Variants in MTO1 observed in about 807,000 individuals in gnomAD.
MTO1 encodes mitochondrial tRNA translation optimization 1, also known as 5-taurinomethyluridine-[tRNA] synthase subunit MTO1, mitochondrial.
A neutral mutation model predicts 71.6 loss-of-function variants in MTO1; 46 were observed. The observed-to-expected ratio is 0.64, with a 90% CI of 0.51 to 0.82. The LOEUF (loss-of-function observed/expected upper bound fraction) is 0.82, where lower values mean the gene tolerates loss of function less well. Ranked by LOEUF, MTO1 falls within the 40% of genes least tolerant of loss-of-function variation. The pLI, the probability that MTO1 is intolerant of heterozygous loss-of-function variation, is 0.00. For synonymous variants in MTO1, 297 were observed against 312.1 expected (o/e 0.95, Z 0.51); for missense variants, 773 against 867.5 (o/e 0.89, Z 1.37).
intron 3 of MTO1, among the ~76,000 whole-genome samples, chr6:73,468,071 G>A (rs896429557): frequency 4.6e-5 from 7 of 151,792 alleles, no homozygotes; most frequent in Admixed American, 1.3e-4. Flanking sequence ...CACCCGCCTC[G>A]CCCTCCCAGA....
chr6:73,490,716 C>A (rs2150041552), intron 9 of MTO1, among the ~76,000 whole-genome samples: 1 of 143,782 alleles, frequency 7.0e-6, no homozygotes, highest in African/African-American at 2.6e-5. Context: ...ATGAAATTTT[C>A]TATTTCTAAA....
Position 73,482,221 on chromosome 6 carries a change from C to A in MTO1, c.1442C>A (p.Ala481Asp). ...EFRLSLRPDNADSRLTLRGYK... is the reference protein window; with the variant it reads ...EFRLSLRPDNDDSRLTLRGYK... The stretch of plus-strand genomic sequence containing the variant: ...CGTTTGTCACTGCGCCCTGATAATG[C>A]TGACAGCCGGCTCACACTGCGAGGT... Residue 481 changes from alanine to aspartate, a missense_variant, in exon 8 of 12, where the codon GCT becomes GAT. By Grantham distance (126) the Ala-to-Asp change is moderately radical (BLOSUM62 -2). Transcript: ENST00000498286. The A allele has an allele frequency of 6.2e-7, 1 of 1,614,130 alleles. No individual in the cohort carries two copies. The highest frequency in any genetic ancestry group is 8.5e-7 in the Non-Finnish European group (1 of 1,180,022).
rs1772213899 is a variant in MTO1 at position 73,503,442 on chromosome 6, A to G, written c.*2707A>G. 1 of 152,254 alleles carries G rather than the reference A, an allele frequency of 6.6e-6. No homozygotes were observed. The highest frequency in any genetic ancestry group is 2.4e-5 in the African/African-American group (1 of 41,472). The allele number at this position is 152,254 out of a possible 1,614,324, so 9.4% of individuals were successfully genotyped here. A position where few individuals can be genotyped will look rare whatever the true frequency, so the allele number is the denominator to read the frequency against. On this transcript the variant is annotated 3_prime_UTR_variant, in exon 12 of 12. Coordinates refer to ENST00000498286, the MANE Select transcript of MTO1 (RefSeq NM_012123.4). ...ACCTCTTTAAATCCACAATGTTTGT[A>G]TGTTAACTTAAACAAAATTACATCA...
rs181443440 is a variant in MTO1 at position 73,477,799 on chromosome 6, G to A, written c.826-1933G>A. 1.2e-3 allele frequency among the ~76,000 whole-genome samples: 183 copies of A among 152,074 alleles called. 1 individual carries two copies. The highest frequency in any genetic ancestry group is 4.3e-3 in the African/African-American group (177 of 41,504). On this transcript the variant is annotated intron_variant, in intron 4 of 11. Coordinates refer to ENST00000498286, the MANE Select transcript of MTO1 (RefSeq NM_012123.4). The stretch of plus-strand genomic sequence containing the variant: ...TGGGATTACAAGTATGAGCCACCAA[G>A]CCTAGCCCAAAACAACCTTTTTATT...
chr6:73,466,110 T>G, intron 1 of MTO1, 99 bp from the exon 2 acceptor site: 13 of 1,066,342 alleles, frequency 1.2e-5, no homozygotes, highest in Non-Finnish European at 1.8e-5. Context: ...TTTTATCATA[T>G]GAGATGATTA....
chr6:73,463,597 T>A (rs1315064010), intron 1 of MTO1, among the ~76,000 whole-genome samples: 2 of 152,186 alleles, frequency 1.3e-5, no homozygotes, highest in African/African-American at 4.8e-5. Context: ...TTCCTGAAAT[T>A]CTTCTTTAAA....
In MTO1 at chr6:73,462,325, C is replaced by A. The variant is rs887003490; in HGVS notation, c.217+254C>A. ...GTTGTAGGAGGTTGGGGTTCGGGGTCAGTGCCTTGGGAAAGGGAGCTACCA... is the reference window on the plus strand; with the variant it reads ...GTTGTAGGAGGTTGGGGTTCGGGGTAAGTGCCTTGGGAAAGGGAGCTACCA... On this transcript the variant is annotated intron_variant, in intron 1 of 11. Transcript: ENST00000498286. The A allele has an allele frequency of 1.6e-5, 9 of 548,996 alleles. No individual in the cohort carries two copies. In the African/African-American group the frequency reaches 1.7e-4, roughly 11 times the overall value. The allele number at this position is 548,996 out of a possible 1,614,324, so 34.0% of individuals were successfully genotyped here.
At chr6:73,468,028 C>T (rs984571298) in intron 3 of MTO1, among the ~76,000 whole-genome samples, 1 of 151,586 alleles carries the variant, frequency 6.6e-6, no homozygotes, top group African/African-American at 2.4e-5. Flanking sequence ...ACCACGTTGG[C>T]CAGGATGGTC....
At position 73,473,449 on chromosome 6, in the gene MTO1, C is replaced by T. The variant is rs139334277; in HGVS notation, c.620C>T (p.Thr207Met). The T allele has an allele frequency of 3.7e-3, 6,006 of 1,614,054 alleles. 22 individuals are homozygous for T. The highest frequency in any genetic ancestry group is 4.2e-3 in the Non-Finnish European group (4,945 of 1,180,004). Residue 207 changes from threonine to methionine, a missense_variant, in exon 4 of 12, where the codon ACG becomes ATG. By Grantham distance (81) the Thr-to-Met change is moderately conservative. Coordinates refer to ENST00000498286, the MANE Select transcript of MTO1 (RefSeq NM_012123.4). ...GGCATGATTGTAATTGGATTGGAGA[C>T]GCATCCAGCAGGACGTTTAGGGGAT... The part of the protein sequence containing the change: ...LRGMIVIGLE[T>M]HPAGRLGDQP...
intron 7 of MTO1, among the ~76,000 whole-genome samples, chr6:73,481,457 C>T (rs926024882): frequency 5.3e-4 from 15 of 28,510 alleles, no homozygotes; most frequent in Non-Finnish European, 9.0e-4. Flanking sequence ...AGAAGTTTCA[C>T]AGGTGGGTTT....
At chr6:73,483,366 G>T (rs1056074707) in intron 9 of MTO1, among the ~76,000 whole-genome samples, 3 of 151,832 alleles carry the variant, frequency 2.0e-5, no homozygotes, top group Non-Finnish European at 2.9e-5. Flanking sequence ...CCAAGATCAC[G>T]CCTCTGCACT....
intron 1 of MTO1, chr6:73,462,447 G>T (rs1770853141): frequency 4.8e-6 from 1 of 209,288 alleles, no homozygotes; most frequent in Non-Finnish European, 9.7e-6. Context: ...AATGGTTTAT[G>T]GCCAGGTGCA....
At chr6:73,480,446 T>G in intron 6 of MTO1, 2 of 590,832 alleles carry the variant, frequency 3.4e-6, no homozygotes, top group Non-Finnish European at 6.1e-6. Flanking sequence ...AATTTTGTAT[T>G]TTTAGTAGAG....
chr6:73,491,061 C>A (rs1232918056), intron 9 of MTO1, among the ~76,000 whole-genome samples: 1 of 152,186 alleles, frequency 6.6e-6, no homozygotes, highest in Non-Finnish European at 1.5e-5. Context: ...TAGGCATGTT[C>A]TTTTGTTGGC....
chr6:73,464,696 G>C (rs1246780835), intron 1 of MTO1, among the ~76,000 whole-genome samples: 1 of 151,362 alleles, frequency 6.6e-6, no homozygotes, highest in Non-Finnish European at 1.5e-5. Flanking sequence ...TTAGCCAGGC[G>C]TGGTGGCGTA....
Position 73,505,772 on chromosome 6 carries a change from C to G in MTO1, c.*5037C>G. ...TTTCACAGGTTGGCCAAGCTAGTCTCGAACTCCTGACCTCATGATCCGCCC... is the reference window on the plus strand; with the variant it reads ...TTTCACAGGTTGGCCAAGCTAGTCTGGAACTCCTGACCTCATGATCCGCCC... On this transcript the variant is annotated 3_prime_UTR_variant, in exon 12 of 12. Transcript: ENST00000498286. 1 of 152,196 alleles carries G rather than the reference C, an allele frequency of 6.6e-6. No individual in the cohort carries two copies. Among genetic ancestry groups the G allele is most frequent in the Middle Eastern group, 3.4e-3 (1 of 294 alleles). The allele number at this position is 152,196 out of a possible 1,614,324, so 9.4% of individuals were successfully genotyped here.
chr6:73,480,083 C>T lies in MTO1; in HGVS notation c.1086C>T (p.Ile362=). 1 of 1,614,034 alleles carries T rather than the reference C, an allele frequency of 6.2e-7. No homozygotes were observed. Among genetic ancestry groups the T allele is most frequent in the South Asian group, 1.1e-5 (1 of 91,052 alleles). ...TLPAELQEKM[I]TCIRGLEKAK... Reference sequence around the variant, plus strand: ...CAGCTGAGTTACAAGAGAAAATGATCACATGCATCAGAGGCTTGGAGAAAG... The same window carrying T: ...CAGCTGAGTTACAAGAGAAAATGATTACATGCATCAGAGGCTTGGAGAAAG... The change falls in exon 6 of 12, where the codon ATC becomes ATT. Residue 362 remains isoleucine (I), a synonymous_variant. Transcript: ENST00000498286.
chr6:73,494,992 A>G (rs1161327508), intron 10 of MTO1, among the ~76,000 whole-genome samples: 3 of 152,040 alleles, frequency 2.0e-5, no homozygotes, highest in Non-Finnish European at 4.4e-5. Flanking sequence ...CATGTTGGCC[A>G]GGCTGGTCTC....
Position 73,474,573 on chromosome 6 carries a change from C to T in MTO1, c.825+919C>T, listed in dbSNP as rs145158409. On this transcript the variant is annotated intron_variant, in intron 4 of 11. Coordinates refer to ENST00000498286, the MANE Select transcript of MTO1 (RefSeq NM_012123.4). ...AAGCGATTCTCCCACCTCAGCCTCC[C>T]TAGTAGCTGGGATTGCAAGCACCCG... Among the ~76,000 whole-genome samples, 437 of 151,864 alleles carry T rather than the reference C, an allele frequency of 2.9e-3. 2 individuals carry two copies. Among genetic ancestry groups the T allele is most frequent in the African/African-American group, 9.6e-3 (398 of 41,378 alleles).
Sources: gnomAD v4.1 joint callset for allele counts (sites outside exome capture counted in the v4.1 genomes callset) on GRCh38, gnomAD v4.1.1 for gene constraint, MANE v1.5 for transcripts, NCBI Gene and HGNC (gene_info 2026-07-23, HGNC 2026-07-21) for gene names.